P4HA3: variants seen among roughly 807,000 people sequenced by gnomAD.
P4HA3 encodes prolyl 4-hydroxylase subunit alpha 3, also known as prolyl 4-hydroxylase subunit alpha-3.
Under a neutral mutation model 66.7 loss-of-function variants are expected in P4HA3, and 60 were observed. The ratio of observed to expected loss-of-function variants is 0.90; its 90% CI spans 0.73 to 1.12. The LOEUF is 1.12. Among genes scored for constraint, P4HA3 ranks in the 50% most tolerant of loss-of-function variants. The pLI is 0.00. For synonymous variants in P4HA3, 263 were observed against 274.6 expected, an observed-to-expected ratio of 0.96 and a Z score of 0.42; for missense variants, 683 against 685.8, an observed-to-expected ratio of 1.00 and a Z score of 0.05.
intron 5 of P4HA3, 24 bp downstream of exon 5, chr11:74,289,055 G>T: frequency 6.7e-7 from 1 of 1,503,506 alleles, no homozygotes; most frequent in Non-Finnish European, 8.9e-7. Flanking sequence ...CCTGTGGCTG[G>T]CTTATCTTTT....
At position 74,286,247 on chromosome 11, in the gene P4HA3, C is replaced by A; in HGVS notation, c.914G>T (p.Cys305Phe). Reference protein sequence around the residue: ...LQTRDTYEGLCQTLGSQPTLY... With the variant: ...LQTRDTYEGLFQTLGSQPTLY... ...TCCTACCTGGGAACCCAGGGTCTGA[C>A]ATAGCCCCTCGTAGGTGTCTCTGGT... The change falls in exon 6 of 13, where the codon TGT becomes TTT. Residue 305 changes from cysteine to phenylalanine, a missense_variant. By Grantham distance (205) the Cys-to-Phe change is radical (BLOSUM62 -2). Transcript: ENST00000331597. The A allele has an allele frequency of 6.2e-7, 1 of 1,612,886 alleles. No homozygotes were observed. Among genetic ancestry groups the A allele is most frequent in the Non-Finnish European group, 8.5e-7 (1 of 1,179,760 alleles).
chr11:74,278,042 G>C (rs1306116567), intron 8 of P4HA3, among the ~76,000 whole-genome samples: 1 of 152,124 alleles, frequency 6.6e-6, no homozygotes, highest in African/African-American at 2.4e-5. Context: ...GGATTATGGG[G>C]GAAAGGACAA....
chr11:74,278,895 G>T (rs1860491033), intron 8 of P4HA3, among the ~76,000 whole-genome samples: 2 of 152,058 alleles, frequency 1.3e-5, no homozygotes, highest in African/African-American at 4.8e-5. Flanking sequence ...AAGGGCTGCA[G>T]TGGGGGGTGG....
At chr11:74,252,692 C>T in intron 15 of P4HA3, 1 of 351,772 alleles carries the variant, frequency 2.8e-6, no homozygotes, top group South Asian at 2.1e-5. Context: ...ACCCCTCCCA[C>T]ACACGGTTTT....
chr11:74,274,903 A>G (rs1860344569), intron 9 of P4HA3, among the ~76,000 whole-genome samples: 1 of 152,114 alleles, frequency 6.6e-6, no homozygotes, highest in Non-Finnish European at 1.5e-5. Context: ...GTGCTATCTC[A>G]TTGTGGTTTT....
intron 3 of P4HA3, among the ~76,000 whole-genome samples, chr11:74,300,187 C>A (rs1310280320): frequency 1.3e-5 from 2 of 152,150 alleles, no homozygotes; most frequent in Non-Finnish European, 2.9e-5. Context: ...GAGGGATATT[C>A]CCACAACTCT....
chr11:74,300,702 A>T (rs1300814036), intron 3 of P4HA3, among the ~76,000 whole-genome samples: 1 of 152,048 alleles, frequency 6.6e-6, no homozygotes, highest in Non-Finnish European at 1.5e-5. Flanking sequence ...AGTGTAGATG[A>T]AACAAATTTG....
In P4HA3 at chr11:74,286,062, A is replaced by G. The variant is rs974403362; in HGVS notation, c.934-77T>C. The G allele has an allele frequency of 3.2e-5, 49 of 1,509,098 alleles. No individual in the cohort carries two copies. The African/African-American group carries it at 6.3e-4, about 19-fold the overall frequency. The allele number at this position is 1,509,098 out of a possible 1,614,324, so 93.5% of individuals were successfully genotyped here. On this transcript the variant is annotated intron_variant, in intron 6 of 12. Transcript: ENST00000331597. ...ACTCAACTTAGGGGAACTATGGCATAAAAAAATTGGAATGCAAGAGATACA... is the reference window on the plus strand; with the variant it reads ...ACTCAACTTAGGGGAACTATGGCATGAAAAAATTGGAATGCAAGAGATACA...
chr11:74,298,931 T>C (rs1195961613), intron 3 of P4HA3, among the ~76,000 whole-genome samples: 1 of 152,232 alleles, frequency 6.6e-6, no homozygotes, highest in Admixed American at 6.5e-5. Flanking sequence ...GTCTTGAATG[T>C]CATATTTTTA....
intron 15 of P4HA3, chr11:74,253,847 C>T (rs1438769770): frequency 2.7e-5 from 12 of 447,530 alleles, no homozygotes. Flanking sequence ...TCAGGCGATA[C>T]ATCTGAGTTC....
intron 1 of P4HA3, among the ~76,000 whole-genome samples, chr11:74,305,659 T>C (rs1861558850): frequency 6.6e-6 from 1 of 152,218 alleles, no homozygotes. Flanking sequence ...CACGAGTTAT[T>C]TGCTAGATGT....
intron 15 of P4HA3, chr11:74,252,437 T>C (rs1457461577): frequency 6.6e-6 from 3 of 455,166 alleles, no homozygotes; most frequent in East Asian, 6.9e-5. Context: ...TGTCTTCCCA[T>C]GGCCAGCTAC....
intron 9 of P4HA3, among the ~76,000 whole-genome samples, chr11:74,275,922 T>C (rs1860378344): frequency 6.6e-6 from 1 of 152,194 alleles, no homozygotes; most frequent in Non-Finnish European, 1.5e-5. Context: ...CGATGGTTGA[T>C]TTGATAAAGA....
intron 4 of P4HA3, among the ~76,000 whole-genome samples, chr11:74,291,032 GGGCAGTAT>G (rs1446031564): frequency 3.3e-5 from 5 of 152,082 alleles, no homozygotes; most frequent in Non-Finnish European, 7.4e-5. Context: ...AAATTACTTT[GGGCAGTAT>G]GGCCATTTTC....
At chr11:74,257,151 A>G (rs1438929923) in intron 15 of P4HA3, among the ~76,000 whole-genome samples, 1 of 152,092 alleles carries the variant, frequency 6.6e-6, no homozygotes, top group Non-Finnish European at 1.5e-5. Context: ...TTTTTTAGAC[A>G]GTCTCCTCTG....
At chr11:74,294,375 C>A (rs924301005) in intron 4 of P4HA3, among the ~76,000 whole-genome samples, 1 of 152,136 alleles carries the variant, frequency 6.6e-6, no homozygotes, top group Non-Finnish European at 1.5e-5. Context: ...CTTTTAACTT[C>A]TTTGCCATTG....
At chr11:74,253,554 A>T in intron 15 of P4HA3, 2 of 1,572,768 alleles carry the variant, frequency 1.3e-6, no homozygotes, top group Non-Finnish European at 1.8e-6. Flanking sequence ...TCTGTTGTAA[A>T]TACGTCGCAC....
intron 4 of P4HA3, among the ~76,000 whole-genome samples, chr11:74,296,261 G>A (rs1170189376): frequency 2.0e-5 from 3 of 152,144 alleles, no homozygotes; most frequent in Non-Finnish European, 4.4e-5. Context: ...TAAATAAGTT[G>A]CCTATGTTTT....
In P4HA3 at chr11:74,286,835, G is replaced by T. The variant is rs548780436; in HGVS notation, c.770-444C>A. On this transcript the variant is annotated intron_variant, in intron 5 of 12. Coordinates refer to ENST00000331597, the MANE Select transcript of P4HA3 (RefSeq NM_182904.5). ...CTCTCAGAGTTTAGAGTCTAATGGA[G>T]AAAAAGGACATTAAATTATCACTTA... Among the ~76,000 whole-genome samples the T allele has an allele frequency of 1.2e-4, 18 of 152,308 alleles. 1 individual carries two copies. The South Asian group carries it at 3.3e-3, about 28-fold the overall frequency.
Sources: gnomAD v4.1 joint callset for allele counts (sites outside exome capture counted in the v4.1 genomes callset) on GRCh38, gnomAD v4.1.1 for gene constraint, MANE v1.5 for transcripts, NCBI Gene and HGNC (gene_info 2026-07-23, HGNC 2026-07-21) for gene names.